The following PMS1 variants were observed in gnomAD, a reference collection of about 807,000 sequenced individuals.
PMS1 encodes the protein PMS1 protein homolog 1.
A neutral mutation model predicts 93.1 loss-of-function variants in PMS1; 79 were observed. The observed-to-expected ratio is 0.85, with a 90% CI of 0.71 to 1.02. The LOEUF (loss-of-function observed/expected upper bound fraction) is 1.02, where lower values mean the gene tolerates loss of function less well. Among genes scored for constraint, PMS1 ranks in the 50% least tolerant of loss-of-function variants. The pLI, the probability that PMS1 is intolerant of heterozygous loss-of-function variation, is 0.00. For missense variants in PMS1, 1,064 were observed against 1,085.3 expected (o/e 0.98, Z 0.28); for synonymous variants, 335 against 363.4 (o/e 0.92, Z 0.89).
rs181130927 is a variant in PMS1, at chr2:189,873,659, A to C, written c.2634+3A>C. The stretch of plus-strand genomic sequence containing the variant: ...GCAAAGTGATAAGTTATTTAGAGGT[A>C]CGCATTATTTTATATATATGTTATT... On this transcript the variant is annotated splice_donor_region_variant and intron_variant, in intron 12 of 12. Coordinates refer to ENST00000441310, the MANE Select transcript of PMS1 (RefSeq NM_000534.5). 1 of 1,598,156 alleles carries C rather than the reference A, an allele frequency of 6.3e-7. No homozygotes were observed. Among genetic ancestry groups the C allele is most frequent in the Admixed American group, 1.7e-5 (1 of 59,918 alleles).
intron 5 of PMS1, among the ~76,000 whole-genome samples, chr2:189,840,177 A>G (rs897032820): frequency 6.6e-6 from 1 of 152,212 alleles, no homozygotes; most frequent in African/African-American, 2.4e-5. Context: ...ACAGTTTACA[A>G]ATCAGGCAGC....
chr2:189,823,723 C>G (rs1161169068), intron 5 of PMS1, among the ~76,000 whole-genome samples: 1 of 151,678 alleles, frequency 6.6e-6, no homozygotes, highest in Non-Finnish European at 1.5e-5. Flanking sequence ...TCTCAGTACA[C>G]TTAGGGGTGT....
chr2:189,787,085 C>T (rs191976955), intron 1 of PMS1, among the ~76,000 whole-genome samples: 1 of 152,136 alleles, frequency 6.6e-6, no homozygotes, highest in East Asian at 1.9e-4. Context: ...GAAAGATTCT[C>T]TGATCAGTTT....
chr2:189,813,124 G>A (rs2050982325), intron 4 of PMS1, among the ~76,000 whole-genome samples: 1 of 152,134 alleles, frequency 6.6e-6, no homozygotes, highest in African/African-American at 2.4e-5. Flanking sequence ...ACATAAATTG[G>A]AGAGACTCCT....
intron 6 of PMS1, among the ~76,000 whole-genome samples, chr2:189,849,242 T>C (rs5743116): frequency 0.081 from 12,323 of 152,172 alleles, 644 homozygotes; most frequent in East Asian, 0.2. Flanking sequence ...CCTGAAGTTA[T>C]CCTTTTTGAC....
At chr2:189,822,677 C>A (rs190259579) in intron 5 of PMS1, among the ~76,000 whole-genome samples, 3 of 152,144 alleles carry the variant, frequency 2.0e-5, no homozygotes, top group Admixed American at 6.5e-5. Flanking sequence ...GTGATGAATG[C>A]AGAGGAAAGC....
intron 9 of PMS1, among the ~76,000 whole-genome samples, chr2:189,856,553 T>C (rs2055358716): frequency 6.6e-6 from 1 of 152,150 alleles, no homozygotes; most frequent in Non-Finnish European, 1.5e-5. Context: ...CACACAATTG[T>C]GATTGTCTTT....
intron 6 of PMS1, among the ~76,000 whole-genome samples, chr2:189,848,720 C>G (rs1051647117): frequency 6.6e-6 from 1 of 152,076 alleles, no homozygotes; most frequent in Non-Finnish European, 1.5e-5. Context: ...TTGAGTGTCT[C>G]TCTGGTGAGA....
rs747835603 is a variant in PMS1 at position 189,791,826 on chromosome 2, C to G, written c.17C>G (p.Ala6Gly). 1 of 1,613,588 alleles carries G rather than the reference C, an allele frequency of 6.2e-7. No individual in the cohort carries two copies. Among genetic ancestry groups the G allele is most frequent in the South Asian group, 1.1e-5 (1 of 91,066 alleles). The change falls in exon 2 of 13, where the codon GCG (alanine) becomes GGG (glycine). Residue 6 changes from alanine (A) to glycine (G), a missense_variant. Coordinates refer to ENST00000441310, the MANE Select transcript of PMS1 (RefSeq NM_000534.5). ...AAAGCGAAAATGAAACAATTGCCTG[C>G]GGCAACAGTTCGACTCCTTTCAAGT... Reference protein sequence around the residue: MKQLPAATVRLLSSSQ... With the variant: MKQLPGATVRLLSSSQ...
rs761928375 is a variant in PMS1, at chr2:189,864,139, A to G, written c.2253A>G (p.Arg751=). Residue 751 remains arginine (R), a synonymous_variant, in exon 10 of 13, where the codon AGA becomes AGG. Transcript: ENST00000441310. The part of the protein sequence containing the change: ...KTEVMLLNPY[R]VEEALLFKRL... ...AGGTAATGTTATTAAATCCATATAG[A>G]GTAGAAGAAGCCCTGCTATTTAAAA... 1.2e-5 allele frequency: 19 copies of G among 1,612,198 alleles called. No individual in the cohort carries two copies. The highest frequency in any genetic ancestry group is 1.6e-5 in the Non-Finnish European group (19 of 1,178,444).
At chr2:189,822,043 C>CG (rs1048465464) in intron 5 of PMS1, among the ~76,000 whole-genome samples, 1 of 152,084 alleles carries the variant, frequency 6.6e-6, no homozygotes. Flanking sequence ...CCGGGCGGGG[C>CG]GGGTGGCGCC....
At chr2:189,809,983 A>G (rs1331893874) in intron 4 of PMS1, among the ~76,000 whole-genome samples, 1 of 152,224 alleles carries the variant, frequency 6.6e-6, no homozygotes, top group Non-Finnish European at 1.5e-5. Flanking sequence ...ATACACATTT[A>G]TATTTTGCCC....
intron 5 of PMS1, among the ~76,000 whole-genome samples, chr2:189,826,217 C>G (rs2052413513): frequency 6.6e-6 from 1 of 152,116 alleles, no homozygotes; most frequent in African/African-American, 2.4e-5. Flanking sequence ...AGGGTCAGTT[C>G]CCCTCCCGCA....
intron 4 of PMS1, among the ~76,000 whole-genome samples, chr2:189,813,511 A>G (rs1487013253): frequency 6.6e-6 from 1 of 152,218 alleles, no homozygotes; most frequent in Non-Finnish European, 1.5e-5. Context: ...TCCTTTTTGG[A>G]AAAGCAGCAG....
intron 5 of PMS1, among the ~76,000 whole-genome samples, chr2:189,834,372 A>G (rs968767394): frequency 3.3e-5 from 5 of 152,236 alleles, no homozygotes; most frequent in African/African-American, 1.2e-4. Flanking sequence ...GACCTTGTGT[A>G]TCTTACATGG....
intron 7 of PMS1, among the ~76,000 whole-genome samples, chr2:189,852,982 G>A (rs182828575): frequency 1.3e-5 from 2 of 152,200 alleles, no homozygotes; most frequent in East Asian, 1.9e-4. Context: ...TTTATAGTGA[G>A]GAAACAAATG....
chr2:189,800,153 A>G (rs1464611784), intron 3 of PMS1, among the ~76,000 whole-genome samples: 2 of 152,262 alleles, frequency 1.3e-5, no homozygotes, highest in Non-Finnish European at 2.9e-5. Flanking sequence ...ACACAGTGAA[A>G]TATGAAATTT....
At chr2:189,827,686 G>A (rs1325876474) in intron 5 of PMS1, among the ~76,000 whole-genome samples, 2 of 151,780 alleles carry the variant, frequency 1.3e-5, no homozygotes, top group African/African-American at 4.8e-5. Context: ...AAATCCTGTC[G>A]TTTGCAGCAA....
chr2:189,834,766 G>A (rs1215303192), intron 5 of PMS1, among the ~76,000 whole-genome samples: 1 of 152,158 alleles, frequency 6.6e-6, no homozygotes, highest in African/African-American at 2.4e-5. Flanking sequence ...GTCTCACTCT[G>A]TTGCCCAGGC....
Sources: allele counts gnomAD v4.1 joint callset (sites outside exome capture counted in the v4.1 genomes callset), GRCh38; gene constraint gnomAD v4.1.1; transcripts MANE v1.5; gene names NCBI Gene and HGNC (gene_info 2026-07-23, HGNC 2026-07-21).